ACOT7: variants seen among roughly 807,000 people sequenced by gnomAD.
ACOT7 encodes the protein cytosolic acyl coenzyme A thioester hydrolase.
In ACOT7, 12 loss-of-function variants were observed where a neutral mutation model predicts 40.2. That is an observed-to-expected ratio of 0.30 (90% CI 0.19 to 0.48). The LOEUF is 0.48. Ranked by LOEUF, ACOT7 falls within the 20% of genes least tolerant of loss-of-function variation. The pLI, the probability that ACOT7 is intolerant of heterozygous loss-of-function variation, is 0.99. For synonymous variants in ACOT7, 228 were observed against 219.5 expected (o/e 1.04, Z -0.34); for missense variants, 395 against 530.8 (o/e 0.74, Z 2.51).
At chr1:6,273,442 C>A (rs1434548405) in intron 8 of ACOT7, among the ~76,000 whole-genome samples, 1 of 152,164 alleles carries the variant, frequency 6.6e-6, no homozygotes, top group Non-Finnish European at 1.5e-5. Flanking sequence ...GACTGACTCC[C>A]GCTAAATGCA....
At chr1:6,295,151 A>G (rs917013415) in intron 6 of ACOT7, 171 bp from the exon 7 acceptor site, 4 of 392,058 alleles carry the variant, frequency 1.0e-5, no homozygotes, top group Non-Finnish European at 1.4e-5. Context: ...CACGCGCTAC[A>G]TGGGGCTTCC....
rs999764514 is a variant in ACOT7 at position 6,278,219 on chromosome 1, G to A, written c.1014+2883C>T. Among the ~76,000 whole-genome samples, 3 of 152,282 alleles carry A rather than the reference G, an allele frequency of 2.0e-5. No homozygotes were observed. The highest frequency in any genetic ancestry group is 3.9e-4 in the East Asian group (2 of 5,176). ...TCTGGGGAGGGTGGTCCAGATGGGA[G>A]CAGCAGGTGCACAGGCGCCGGGCAG... On this transcript the variant is annotated intron_variant, in intron 8 of 8. Coordinates refer to ENST00000361521, the MANE Select transcript of ACOT7 (RefSeq NM_007274.4). This position sits in a 1 kb window ranked among gnomAD's most constrained non-coding sequence, Gnocchi z 4.1.
At position 6,306,989 on chromosome 1, in the gene ACOT7, C is replaced by G; in HGVS notation, c.712+11503G>C. The G allele has an allele frequency of 8.6e-7, 1 of 1,168,732 alleles. No individual in the cohort carries two copies. The allele number at this position is 1,168,732 out of a possible 1,614,324, so 72.4% of individuals were successfully genotyped here. On this transcript the variant is annotated intron_variant, in intron 6 of 8. Transcript: ENST00000361521. The surrounding 1 kb of genome is among the most constrained non-coding windows in gnomAD (Gnocchi z 4.3). ...GCGTCCCCTCCCATGTTTTCTCTGC[C>G]TTCCCTTTCCTCTGCCTCCTCCTAT...
Position 6,294,451 on chromosome 1 carries a change from G to A in ACOT7, c.829+413C>T, listed in dbSNP as rs925486427. 6.6e-6 allele frequency among the ~76,000 whole-genome samples: 1 copy of A among 152,218 alleles called. No individual in the cohort carries two copies. Among genetic ancestry groups the A allele is most frequent in the Non-Finnish European group, 1.5e-5 (1 of 68,038 alleles). ...CGTGGGCAGGGCTGGCCGAGGAGGG[G>A]CTCCTGCGGGCTTTTCTGTACTGAC... On this transcript the variant is annotated intron_variant, in intron 7 of 8. Coordinates refer to ENST00000361521, the MANE Select transcript of ACOT7 (RefSeq NM_007274.4). This position sits in a 1 kb window ranked among gnomAD's most constrained non-coding sequence, Gnocchi z 4.6.
At chr1:6,331,369 G>T (rs568295213) in intron 4 of ACOT7, among the ~76,000 whole-genome samples, 5 of 152,362 alleles carry the variant, frequency 3.3e-5, no homozygotes, top group South Asian at 4.1e-4. Flanking sequence ...CGAAGATGGA[G>T]GCAGAAGCTT....
At chr1:6,326,343 G>T (rs1640798542) in intron 5 of ACOT7, among the ~76,000 whole-genome samples, 1 of 152,224 alleles carries the variant, frequency 6.6e-6, no homozygotes, top group South Asian at 2.1e-4. Context: ...GGAACGCGGG[G>T]AGTTCTCTGG....
At position 6,311,896 on chromosome 1, in the gene ACOT7, G is replaced by GA. The variant is rs1206243559; in HGVS notation, c.712+6595dup. ...ACAGCTCCTGGACACCCCTCACCCC[G>GA]ACTCCCAGGGTCTGGGTCACCTGTC... On this transcript the variant is annotated intron_variant, in intron 6 of 8. Transcript: ENST00000361521. This position sits in a 1 kb window ranked among gnomAD's most constrained non-coding sequence, Gnocchi z 5.2. Among the ~76,000 whole-genome samples the GA allele has an allele frequency of 1.3e-5, 2 of 151,938 alleles. No homozygotes were observed. The highest frequency in any genetic ancestry group is 2.9e-5 in the Non-Finnish European group (2 of 67,980).
intron 4 of ACOT7, among the ~76,000 whole-genome samples, chr1:6,331,028 G>A (rs1037508730): frequency 9.9e-5 from 15 of 152,170 alleles, no homozygotes; most frequent in African/African-American, 3.4e-4. Flanking sequence ...GCAATTCTGC[G>A]GAGAACAGCC....
intron 1 of ACOT7, among the ~76,000 whole-genome samples, chr1:6,386,064 T>C (rs553016993): frequency 1.3e-4 from 20 of 152,208 alleles, no homozygotes; most frequent in African/African-American, 4.8e-4. Context: ...CTCAGGCAAG[T>C]AGAAGAATGA....
intron 1 of ACOT7, among the ~76,000 whole-genome samples, chr1:6,389,494 T>G (rs1202167215): frequency 2.0e-5 from 3 of 151,932 alleles, no homozygotes; most frequent in Admixed American, 6.6e-5. Context: ...CTCTACATAT[T>G]GCACTCCCCA....
chr1:6,295,133 C>G, intron 6 of ACOT7, 153 bp from the exon 7 acceptor site: 2 of 496,644 alleles, frequency 4.0e-6, no homozygotes, highest in Non-Finnish European at 3.7e-6. Context: ...GCCGCACGTG[C>G]TGTGGCTCAC....
intron 7 of ACOT7, among the ~76,000 whole-genome samples, chr1:6,283,313 C>G (rs1639407202): frequency 6.6e-6 from 1 of 152,202 alleles, no homozygotes; most frequent in African/African-American, 2.4e-5. Context: ...AGGCGTGCAC[C>G]ACCATGCACG....
chr1:6,313,424 C>T (rs995797930), intron 6 of ACOT7, among the ~76,000 whole-genome samples: 1 of 152,186 alleles, frequency 6.6e-6, no homozygotes, highest in Non-Finnish European at 1.5e-5. Context: ...GCTTCCAAGC[C>T]CTGTAAGGAA....
chr1:6,346,740 G>C (rs753796846), intron 2 of ACOT7, among the ~76,000 whole-genome samples: 20 of 152,360 alleles, frequency 1.3e-4, no homozygotes, highest in Admixed American at 3.9e-4. Flanking sequence ...GTGATCAGGT[G>C]ATCGGGTGAT....
chr1:6,273,788 G>A (rs1436070467), intron 8 of ACOT7, among the ~76,000 whole-genome samples: 2 of 152,254 alleles, frequency 1.3e-5, no homozygotes, highest in South Asian at 2.1e-4. Context: ...GGCTGCGCGC[G>A]GCCACCACAC....
chr1:6,353,174 TAAA>T (rs1240747638), intron 1 of ACOT7, among the ~76,000 whole-genome samples: 2 of 151,014 alleles, frequency 1.3e-5, no homozygotes, highest in Non-Finnish European at 2.9e-5. Context: ...TCTTTACTAT[TAAA>T]AAACTGAAAT....
chr1:6,290,219 T>G (rs1411275891), intron 7 of ACOT7, among the ~76,000 whole-genome samples: 1 of 152,326 alleles, frequency 6.6e-6, no homozygotes, highest in East Asian at 1.9e-4. Context: ...GGATGCAGCC[T>G]GCAGACCTGC....
Position 6,306,601 on chromosome 1 carries a change from G to C in ACOT7, c.713-11621C>G. ...CAAACACCAAGATCCTAGAAGGCGA[G>C]TACTAGAAGGAATTTAACTGCAGCC... On this transcript the variant is annotated intron_variant, in intron 6 of 8. Coordinates refer to ENST00000361521, the MANE Select transcript of ACOT7 (RefSeq NM_007274.4). This position sits in a 1 kb window ranked among gnomAD's most constrained non-coding sequence, Gnocchi z 4.3. The C allele has an allele frequency of 3.0e-6, 3 of 985,418 alleles. No homozygotes were observed. Among genetic ancestry groups the C allele is most frequent in the Non-Finnish European group, 3.6e-6 (3 of 829,926 alleles). The allele number at this position is 985,418 out of a possible 1,614,324, so 61.0% of individuals were successfully genotyped here.
At chr1:6,383,506 C>T (rs1431802689) in intron 1 of ACOT7, among the ~76,000 whole-genome samples, 1 of 149,980 alleles carries the variant, frequency 6.7e-6, no homozygotes, top group Non-Finnish European at 1.5e-5. Flanking sequence ...ATTTTTTTAA[C>T]GGTAAATTAT....
Sources: allele counts gnomAD v4.1 joint callset (sites outside exome capture counted in the v4.1 genomes callset), GRCh38; gene constraint gnomAD v4.1.1; non-coding constraint Gnocchi (gnomAD v3.1); transcripts MANE v1.5; gene names NCBI Gene and HGNC (gene_info 2026-07-23, HGNC 2026-07-21).